The following DRD3 variants were observed in gnomAD, a reference collection of about 807,000 sequenced individuals.
DRD3 encodes the protein D(3) dopamine receptor.
In DRD3, 19 loss-of-function variants were observed where a neutral mutation model predicts 36.3. That is an observed-to-expected ratio of 0.52 (90% CI 0.36 to 0.77). The LOEUF (loss-of-function observed/expected upper bound fraction) is 0.77. Ranked by LOEUF, DRD3 falls within the 30% of genes least tolerant of loss-of-function variation. DRD3 has a pLI of 0.00. For synonymous variants in DRD3, 195 were observed against 203.7 expected (o/e 0.96, Z 0.36); for missense variants, 465 against 505.3 (o/e 0.92, Z 0.77).
chr3:114,156,767 C>CTTTCTTTCTTTCTTTCTT (rs1559991048), intron 3 of DRD3, among the ~76,000 whole-genome samples: 8 of 98,888 alleles, frequency 8.1e-5, no homozygotes, highest in African/African-American at 2.9e-4. Flanking sequence ...TTCTTTCTTT[C>CTTTCTTTCTTTCTTTCTT]TTTCTTTCTT....
At chr3:114,199,064 T>A (rs1434827868) in intron 1 of DRD3, among the ~76,000 whole-genome samples, 2 of 152,260 alleles carry the variant, frequency 1.3e-5, no homozygotes, top group African/African-American at 4.8e-5. Context: ...ACCTGTTATA[T>A]AGAATTTAAA....
intron 1 of DRD3, among the ~76,000 whole-genome samples, chr3:114,184,996 T>C (rs60585023): frequency 0.037 from 5,609 of 152,274 alleles, 130 homozygotes; most frequent in Admixed American, 0.066. Context: ...TTGTTAATAT[T>C]CTTACCAAAG....
intron 3 of DRD3, among the ~76,000 whole-genome samples, chr3:114,159,256 A>G (rs1288375216): frequency 6.6e-6 from 1 of 152,040 alleles, no homozygotes; most frequent in East Asian, 1.9e-4. Flanking sequence ...CATGCTTTCT[A>G]AAATTGCCTT....
At chr3:114,163,056 C>T (rs1421011336) in intron 2 of DRD3, among the ~76,000 whole-genome samples, 1 of 152,174 alleles carries the variant, frequency 6.6e-6, no homozygotes, top group Non-Finnish European at 1.5e-5. Context: ...CTTCCAGGCC[C>T]CCAATGGCCT....
intron 5 of DRD3, among the ~76,000 whole-genome samples, chr3:114,136,443 C>T (rs2077475246): frequency 6.6e-6 from 1 of 152,126 alleles, no homozygotes; most frequent in South Asian, 2.1e-4. Flanking sequence ...CAGAGCCCTC[C>T]ACTCCCAGAT....
At chr3:114,137,402 T>C (rs1470579703) in intron 5 of DRD3, among the ~76,000 whole-genome samples, 1 of 152,256 alleles carries the variant, frequency 6.6e-6, no homozygotes, top group Non-Finnish European at 1.5e-5. Flanking sequence ...ATATTTTGAA[T>C]GCAATACTTT....
At chr3:114,154,656 A>G (rs1401774907) in intron 3 of DRD3, among the ~76,000 whole-genome samples, 1 of 152,214 alleles carries the variant, frequency 6.6e-6, no homozygotes, top group East Asian at 1.9e-4. Flanking sequence ...CCTGTGACTC[A>G]TCTGGTACCT....
chr3:114,148,633 C>T (rs886964540), intron 3 of DRD3, among the ~76,000 whole-genome samples: 3 of 152,180 alleles, frequency 2.0e-5, no homozygotes, highest in African/African-American at 7.2e-5. Context: ...TCACTGACTG[C>T]CTTTCTTGAA....
chr3:114,130,981 C>G (rs768022594), intron 6 of DRD3, 137 bp downstream of exon 6: 78 of 1,185,738 alleles, frequency 6.6e-5, no homozygotes, highest in Non-Finnish European at 8.7e-5. Flanking sequence ...CATTTATACA[C>G]AAATACTTTT....
chr3:114,194,847 C>G (rs1429668483), intron 1 of DRD3, among the ~76,000 whole-genome samples: 1 of 151,120 alleles, frequency 6.6e-6, no homozygotes, highest in Non-Finnish European at 1.5e-5. Context: ...TTTTTGAAAC[C>G]ACTTAAGTAA....
At chr3:114,172,065 C>T in intron 1 of DRD3, 38 bp from the exon 2 acceptor site, 1 of 1,334,156 alleles carries the variant, frequency 7.5e-7, no homozygotes, top group South Asian at 2.1e-5. Flanking sequence ...TAAAATCAGA[C>T]TCTTTGGGGC....
In DRD3 at chr3:114,147,495, C is replaced by CGCCGACAGGAGCTCTGTCCCGT; in HGVS notation, c.424_445dup (p.Arg149HisfsTer32). ...GACGGCCGTGATCATGAGGGCCACG[C>CGCCGACAGGAGCTCTGTCCCGT]GCCGACAGGAGCTCTGTCCCGTGCC... On this transcript the variant is annotated frameshift_variant, in exon 4 of 7. Coordinates refer to ENST00000383673, the MANE Select transcript of DRD3 (RefSeq NM_000796.6). LOFTEE classifies it high-confidence loss of function. 6.2e-7 allele frequency: 1 copy of CGCCGACAGGAGCTCTGTCCCGT among 1,614,052 alleles called. No individual in the cohort carries two copies. The highest frequency in any genetic ancestry group is 8.5e-7 in the Non-Finnish European group (1 of 1,180,018).
intron 2 of DRD3, 48 bp from the exon 3 acceptor site, chr3:114,159,915 G>A (rs199595684): frequency 3.4e-4 from 524 of 1,554,966 alleles, no homozygotes; most frequent in Non-Finnish European, 2.5e-4. Context: ...GTGAAGGAAC[G>A]ACAACCCAGT....
At chr3:114,139,825 T>C in intron 4 of DRD3, 129 bp from the exon 5 acceptor site, 1 of 783,692 alleles carries the variant, frequency 1.3e-6, no homozygotes, top group Non-Finnish European at 2.1e-6. Flanking sequence ...AAGGATGCAG[T>C]CTCAGATACG....
At chr3:114,188,532 T>A (rs1456615035) in intron 1 of DRD3, among the ~76,000 whole-genome samples, 1 of 152,158 alleles carries the variant, frequency 6.6e-6, no homozygotes, top group African/African-American at 2.4e-5. Context: ...ACTTCTGCTT[T>A]TATAGATCTT....
At chr3:114,158,577 G>A (rs1325535018) in intron 3 of DRD3, among the ~76,000 whole-genome samples, 1 of 152,176 alleles carries the variant, frequency 6.6e-6, no homozygotes, top group Non-Finnish European at 1.5e-5. Flanking sequence ...TCCCTGCTGT[G>A]CCCATTACAG....
intron 4 of DRD3, among the ~76,000 whole-genome samples, chr3:114,146,563 G>A (rs7630585): frequency 0.034 from 5,230 of 151,882 alleles, 292 homozygotes; most frequent in African/African-American, 0.12. Context: ...GTGGGGCGTG[G>A]TGGTGGGTGC....
chr3:114,150,554 G>A (rs749483371), intron 3 of DRD3, among the ~76,000 whole-genome samples: 2 of 152,214 alleles, frequency 1.3e-5, no homozygotes, highest in East Asian at 3.8e-4. Flanking sequence ...TTAACTGTCT[G>A]CCTCATGGGT....
rs79423463 is a variant in DRD3 at position 114,154,991 on chromosome 3, C to A, written c.383+4764G>T. Among the ~76,000 whole-genome samples, 135 of 152,348 alleles carry A rather than the reference C, an allele frequency of 8.9e-4. 1 individual carries two copies. The East Asian group carries it at 0.024, about 27-fold the overall frequency. ...GGCAGCATTAATCCAAGCATCAGAG[C>A]TATGCCTAAGAATCTAATGACAATA... On this transcript the variant is annotated intron_variant, in intron 3 of 6. Transcript: ENST00000383673.
Sources: gnomAD v4.1 joint callset for allele counts (sites outside exome capture counted in the v4.1 genomes callset) on GRCh38, gnomAD v4.1.1 for gene constraint, MANE v1.5 for transcripts, NCBI Gene and HGNC (gene_info 2026-07-23, HGNC 2026-07-21) for gene names.